DLGAP4: variants seen among roughly 807,000 people sequenced by gnomAD.
DLGAP4 encodes the protein disks large-associated protein 4.
In DLGAP4, 18 loss-of-function variants were observed where a neutral mutation model predicts 86.9. That is an observed-to-expected ratio of 0.21 (90% CI 0.14 to 0.31). The LOEUF (loss-of-function observed/expected upper bound fraction) is 0.31. DLGAP4 is among the 10% of genes least tolerant of loss of function. DLGAP4 has a pLI of 1.00. For synonymous variants in DLGAP4, 548 were observed against 574.3 expected (o/e 0.95, Z 0.65); for missense variants, 1,085 against 1,362.6 (o/e 0.80, Z 3.21).
intron 1 of DLGAP4, among the ~76,000 whole-genome samples, chr20:36,319,417 C>T (rs998706427): frequency 6.6e-6 from 1 of 152,176 alleles, no homozygotes; most frequent in Non-Finnish European, 1.5e-5. Context: ...CAGAGCCTGG[C>T]ATACAGCAAG....
At chr20:36,469,836 A>G (rs1219809650) in intron 7 of DLGAP4, among the ~76,000 whole-genome samples, 6 of 152,006 alleles carry the variant, frequency 3.9e-5, no homozygotes, top group Admixed American at 3.9e-4. Context: ...TCTCAGCAGA[A>G]GGCCATCTGC....
intron 10 of DLGAP4, among the ~76,000 whole-genome samples, chr20:36,503,678 C>T (rs559923930): frequency 2.6e-5 from 4 of 151,868 alleles, no homozygotes; most frequent in East Asian, 3.9e-4. Context: ...TTGGTAGAGA[C>T]GGGGTTTCAC....
intron 7 of DLGAP4, among the ~76,000 whole-genome samples, chr20:36,472,882 A>T (rs1251626044): frequency 1.3e-5 from 2 of 152,096 alleles, no homozygotes. Flanking sequence ...TTGCTCTGGG[A>T]GCCTGGCTGG....
chr20:36,437,838 C>T (rs78935017), intron 4 of DLGAP4, among the ~76,000 whole-genome samples: 4,858 of 152,166 alleles, frequency 0.032, 276 homozygotes, highest in African/African-American at 0.11. Flanking sequence ...AGAATGGCCT[C>T]CAGGTTGGAA....
chr20:36,372,303 C>T (rs966525600), intron 2 of DLGAP4, among the ~76,000 whole-genome samples: 18 of 152,144 alleles, frequency 1.2e-4, no homozygotes, highest in Non-Finnish European at 2.5e-4. Context: ...CCTCTCCCTC[C>T]GTCACTGGGA....
chr20:36,379,783 A>G (rs1467616712), intron 2 of DLGAP4, among the ~76,000 whole-genome samples: 1 of 152,200 alleles, frequency 6.6e-6, no homozygotes, highest in Non-Finnish European at 1.5e-5. Context: ...CTCCCTCCCT[A>G]AGCCTCACCT....
intron 10 of DLGAP4, among the ~76,000 whole-genome samples, chr20:36,515,001 A>T (rs1213084569): frequency 6.6e-6 from 1 of 152,104 alleles, no homozygotes; most frequent in Non-Finnish European, 1.5e-5. Context: ...TGGAGAGCAG[A>T]TTTGAAACTG....
chr20:36,482,683 T>G (rs537242681), intron 7 of DLGAP4, among the ~76,000 whole-genome samples: 1 of 152,202 alleles, frequency 6.6e-6, no homozygotes, highest in Non-Finnish European at 1.5e-5. Flanking sequence ...TTTGTTTTTG[T>G]TTTTTTGAGA....
chr20:36,499,428 C>T (rs1336815180), intron 8 of DLGAP4, 160 bp from the exon 9 acceptor site: 9 of 1,402,254 alleles, frequency 6.4e-6, no homozygotes, highest in African/African-American at 4.3e-5. Flanking sequence ...TAACCTGGTC[C>T]GGCCTCGGGC....
At chr20:36,401,746 G>A (rs1373428029) in intron 2 of DLGAP4, among the ~76,000 whole-genome samples, 1 of 152,198 alleles carries the variant, frequency 6.6e-6, no homozygotes, top group African/African-American at 2.4e-5. Flanking sequence ...TGACAGAGAC[G>A]AGTTTTACAA....
At chr20:36,417,037 G>A (rs554642505) in intron 2 of DLGAP4, among the ~76,000 whole-genome samples, 194 of 152,284 alleles carry the variant, frequency 1.3e-3, no homozygotes, top group African/African-American at 2.4e-3. Flanking sequence ...CTCACAGAGC[G>A]CGGGAGGCAC....
At chr20:36,498,656 A>C (rs960190250) in intron 8 of DLGAP4, 1 of 152,500 alleles carries the variant, frequency 6.6e-6, no homozygotes, top group Admixed American at 6.5e-5. Flanking sequence ...TGTCCCAGAA[A>C]GCTTCCCTGG....
At chr20:36,476,432 A>G (rs1234508209) in intron 7 of DLGAP4, among the ~76,000 whole-genome samples, 2 of 146,770 alleles carry the variant, frequency 1.4e-5, no homozygotes, top group African/African-American at 2.5e-5. Flanking sequence ...GGTTCAAGCA[A>G]TTTTCCTCCC....
At chr20:36,352,446 G>C (rs1170777015) in intron 1 of DLGAP4, among the ~76,000 whole-genome samples, 1 of 150,968 alleles carries the variant, frequency 6.6e-6, no homozygotes, top group African/African-American at 2.4e-5. Flanking sequence ...GCTGGGACTC[G>C]GTGGCAGAGG....
At chr20:36,504,778 C>T (rs1246664112) in intron 10 of DLGAP4, among the ~76,000 whole-genome samples, 1 of 152,156 alleles carries the variant, frequency 6.6e-6, no homozygotes, top group South Asian at 2.1e-4. Context: ...TTTCATGTGT[C>T]TGTTGGTCAT....
chr20:36,447,909 G>GGA (rs1555903976), intron 7 of DLGAP4, among the ~76,000 whole-genome samples: 2 of 126,642 alleles, frequency 1.6e-5, no homozygotes, highest in African/African-American at 5.6e-5. Flanking sequence ...GGTGGGGGGG[G>GGA]GGGAGACAAG....
intron 7 of DLGAP4, among the ~76,000 whole-genome samples, chr20:36,482,613 T>A (rs2035236841): frequency 6.6e-6 from 1 of 152,208 alleles, no homozygotes; most frequent in African/African-American, 2.4e-5. Flanking sequence ...GAGGCAGCTT[T>A]GTAACTGGGC....
rs1242719780 is a variant in DLGAP4, at chr20:36,306,846, C to G, written c.-304+334C>G. Among the ~76,000 whole-genome samples, 3 of 152,176 alleles carry G rather than the reference C, an allele frequency of 2.0e-5. No individual in the cohort carries two copies. Among genetic ancestry groups the G allele is most frequent in the Non-Finnish European group, 4.4e-5 (3 of 68,006 alleles). Reference sequence around the variant, plus strand: ...CCGGCTCTTTTTCCCGCGGACTCCCCCGTACCCCATATCAAGCGGCTGCCA... The same window carrying G: ...CCGGCTCTTTTTCCCGCGGACTCCCGCGTACCCCATATCAAGCGGCTGCCA... On this transcript the variant is annotated intron_variant, in intron 1 of 12. Coordinates refer to ENST00000339266, the MANE Select transcript of DLGAP4 (RefSeq NM_001365621.2). This position sits in a 1 kb window ranked among gnomAD's most constrained non-coding sequence, Gnocchi z 4.9.
At position 36,500,178 on chromosome 20, in the gene DLGAP4, C is replaced by G; in HGVS notation, c.2100-21C>G. The G allele has an allele frequency of 6.6e-7, 1 of 1,508,638 alleles. No homozygotes were observed. The highest frequency in any genetic ancestry group is 8.9e-7 in the Non-Finnish European group (1 of 1,126,018). 93.5% of individuals were successfully genotyped at this position (1,508,638 alleles called of 1,614,324 possible). A position where few individuals can be genotyped will look rare whatever the true frequency, so the allele number is the denominator to read the frequency against. On this transcript the variant is annotated intron_variant, in intron 9 of 12. Transcript: ENST00000339266. This position sits in a 1 kb window ranked among gnomAD's most constrained non-coding sequence, Gnocchi z 4.6. ...TGACTCACTCCTTCCTGTCCCCACC[C>G]CATCCACCCCCTACCCACAGAAGCA...
Sources: allele counts gnomAD v4.1 joint callset (sites outside exome capture counted in the v4.1 genomes callset), GRCh38; gene constraint gnomAD v4.1.1; non-coding constraint Gnocchi (gnomAD v3.1); transcripts MANE v1.5; gene names NCBI Gene and HGNC (gene_info 2026-07-23, HGNC 2026-07-21).